The following STRIP2 variants were observed in gnomAD, a reference collection of about 807,000 sequenced individuals.
The protein encoded by STRIP2 is striatin-interacting protein 2.
Under a neutral mutation model 107.1 loss-of-function variants are expected in STRIP2, and 84 were observed. That is an observed-to-expected ratio of 0.78 (90% CI 0.66 to 0.94). STRIP2 has a LOEUF of 0.94. Among genes scored for constraint, STRIP2 ranks in the 40% least tolerant of loss-of-function variants. The probability of loss-of-function intolerance (pLI) is 0.00; values close to 1 mark genes in which losing one functional copy is unlikely to be tolerated. For missense variants in STRIP2, 888 were observed against 1,034.2 expected (o/e 0.86, Z 1.94); for synonymous variants, 394 against 400.4 (o/e 0.98, Z 0.19).
intron 3 of STRIP2, among the ~76,000 whole-genome samples, chr7:129,444,708 A>G (rs367580498): frequency 3.3e-5 from 5 of 152,294 alleles, no homozygotes; most frequent in East Asian, 1.9e-4. Flanking sequence ...ATCTTCAATT[A>G]AAGACAATAA....
chr7:129,485,102 C>T (rs1200526384), intron 20 of STRIP2, among the ~76,000 whole-genome samples: 5 of 152,198 alleles, frequency 3.3e-5, no homozygotes, highest in Non-Finnish European at 7.3e-5. Context: ...TTATACCCCT[C>T]TTGCCCCTTC....
intron 17 of STRIP2, among the ~76,000 whole-genome samples, chr7:129,469,270 A>G (rs1364912042): frequency 6.6e-6 from 1 of 152,234 alleles, no homozygotes; most frequent in Non-Finnish European, 1.5e-5. Context: ...TGATCCTCTT[A>G]TGCACCATCT....
chr7:129,458,512 T>C lies in STRIP2; in HGVS notation c.1274+62T>C, dbSNP rs950052469. ...GGTTTCAGTCTCCAAAGGCCCAAGA[T>C]GGGGTAGTCTATGTATTCAAGGCTC... On this transcript the variant is annotated intron_variant, in intron 10 of 20. Transcript: ENST00000249344. This position sits in a 1 kb window ranked among gnomAD's most constrained non-coding sequence, Gnocchi z 4.6. 1.4e-6 allele frequency: 2 copies of C among 1,393,808 alleles called. No homozygotes were observed. Among genetic ancestry groups the C allele is most frequent in the African/African-American group, 2.9e-5 (2 of 68,972 alleles). 86.3% of individuals were successfully genotyped at this position (1,393,808 alleles called of 1,614,324 possible). A position where few individuals can be genotyped will look rare whatever the true frequency, so the allele number is the denominator to read the frequency against.
intron 3 of STRIP2, among the ~76,000 whole-genome samples, chr7:129,450,579 C>G (rs1798158058): frequency 6.6e-6 from 1 of 152,196 alleles, no homozygotes; most frequent in South Asian, 2.1e-4. Flanking sequence ...AGTATCTATT[C>G]TGTGTCAGAT....
chr7:129,475,419 A>G (rs1410512291), intron 18 of STRIP2, among the ~76,000 whole-genome samples: 1 of 151,730 alleles, frequency 6.6e-6, no homozygotes. Context: ...ACAGGACAAC[A>G]GTGGAGGGAA....
At chr7:129,474,723 G>A (rs1301361648) in intron 18 of STRIP2, among the ~76,000 whole-genome samples, 1 of 152,082 alleles carries the variant, frequency 6.6e-6, no homozygotes, top group Non-Finnish European at 1.5e-5. Flanking sequence ...TGTTGGCCAG[G>A]CTGGTCTTGA....
rs1486292570 is a variant in STRIP2, at chr7:129,458,802, G to A, written c.1340+25G>A. 2 of 1,612,902 alleles carry A rather than the reference G, an allele frequency of 1.2e-6. No individual in the cohort carries two copies. The highest frequency in any genetic ancestry group is 1.7e-5 in the Admixed American group (1 of 60,026). ...AGTAAGTGACTGAATGGCTGGAACTGGCTACAGAGTGGTTCCTAGGGGGCC... is the reference window on the plus strand; with the variant it reads ...AGTAAGTGACTGAATGGCTGGAACTAGCTACAGAGTGGTTCCTAGGGGGCC... On this transcript the variant is annotated intron_variant, in intron 11 of 20. Coordinates refer to ENST00000249344, the MANE Select transcript of STRIP2 (RefSeq NM_020704.3). The surrounding 1 kb of genome is among the most constrained non-coding windows in gnomAD (Gnocchi z 4.6).
rs777774466 is a variant in STRIP2, at chr7:129,462,936, C to T, written c.1477-30C>T. The T allele has an allele frequency of 9.4e-6, 15 of 1,597,990 alleles. No individual in the cohort carries two copies. The South Asian group carries it at 1.4e-4, about 15-fold the overall frequency. On this transcript the variant is annotated intron_variant, in intron 13 of 20. Transcript: ENST00000249344. ...AAGCCTTTGGTCACCTGGAAAGTGG[C>T]ATTGCCAAACCATGTATTTCTTGCC...
chr7:129,447,987 T>C (rs1008475284), intron 3 of STRIP2, among the ~76,000 whole-genome samples: 1 of 152,206 alleles, frequency 6.6e-6, no homozygotes, highest in African/African-American at 2.4e-5. Flanking sequence ...GTGATATTGT[T>C]TTTGACTTAC....
chr7:129,452,515 C>T (rs1798223016), intron 4 of STRIP2, among the ~76,000 whole-genome samples: 1 of 152,196 alleles, frequency 6.6e-6, no homozygotes, highest in Admixed American at 6.5e-5. Flanking sequence ...TGGCCAACTT[C>T]CAACTGCCAG....
intron 18 of STRIP2, among the ~76,000 whole-genome samples, chr7:129,476,476 C>T (rs1584968142): frequency 1.4e-5 from 2 of 147,736 alleles, no homozygotes; most frequent in Admixed American, 1.3e-4. Flanking sequence ...GGCTGCCGGG[C>T]GGAGGGGCTC....
intron 12 of STRIP2, 66 bp from the exon 13 acceptor site, chr7:129,460,231 TTAAG>T: frequency 4.3e-6 from 6 of 1,397,054 alleles, no homozygotes; most frequent in East Asian, 4.6e-5. Flanking sequence ...TTTGGGGAAT[TTAAG>T]TAAGAGACTG....
rs113731157 is a variant in STRIP2 at position 129,455,618 on chromosome 7, T to C, written c.834+247T>C. Reference sequence around the variant, plus strand: ...ATAAATTGGGGATGTCAGTGGTACCTTCTCTTATTAAAGCCAATGTTTGAT... The same window carrying C: ...ATAAATTGGGGATGTCAGTGGTACCCTCTCTTATTAAAGCCAATGTTTGAT... On this transcript the variant is annotated intron_variant, in intron 8 of 20. Transcript: ENST00000249344. Among the ~76,000 whole-genome samples the C allele has an allele frequency of 6.7e-3, 1,017 of 152,308 alleles. 12 individuals carry two copies. The highest frequency in any genetic ancestry group is 0.024 in the African/African-American group (982 of 41,570).
rs1562904749 is a variant in STRIP2 at position 129,458,213 on chromosome 7, A to G, written c.1039-2A>G. On this transcript the variant is annotated splice_acceptor_variant, in intron 9 of 20. Coordinates refer to ENST00000249344, the MANE Select transcript of STRIP2 (RefSeq NM_020704.3). LOFTEE classifies it high-confidence loss of function. This position sits in a 1 kb window ranked among gnomAD's most constrained non-coding sequence, Gnocchi z 4.6. ...GCCTACCCTCCCTTCTTTCCCCTCCAGCAACTCCTCACTAAGCAGGACAGC... is the reference window on the plus strand; with the variant it reads ...GCCTACCCTCCCTTCTTTCCCCTCCGGCAACTCCTCACTAAGCAGGACAGC... 2 of 1,613,388 alleles carry G rather than the reference A, an allele frequency of 1.2e-6. No homozygotes were observed. The highest frequency in any genetic ancestry group is 8.5e-7 in the Non-Finnish European group (1 of 1,179,408).
At chr7:129,454,386 CT>C in intron 6 of STRIP2, 34 bp from the exon 7 acceptor site, 1 of 1,572,056 alleles carries the variant, frequency 6.4e-7, no homozygotes, top group South Asian at 1.1e-5. Context: ...TGGGAATTGC[CT>C]TGGGAACCTC....
intron 18 of STRIP2, among the ~76,000 whole-genome samples, chr7:129,477,141 G>GCTCGGCATCAGAGGGAGAC (rs1798983310): frequency 6.8e-6 from 1 of 147,408 alleles, no homozygotes; most frequent in South Asian, 2.2e-4. Flanking sequence ...TCCAGCTTCC[G>GCTCGGCATCAGAGGGAGAC]CTCGGCATCA....
In STRIP2 at chr7:129,456,429, T is replaced by G. The variant is rs1424895227; in HGVS notation, c.835-10T>G. The G allele has an allele frequency of 6.2e-7, 1 of 1,613,766 alleles. No homozygotes were observed. The highest frequency in any genetic ancestry group is 1.1e-5 in the South Asian group (1 of 91,058). ...CCTCTCTCTCTGCCCCTTTCCTGTT[T>G]CTTCCTTAGTTTACCCTCGGTGGAT... On this transcript the variant is annotated splice_polypyrimidine_tract_variant and intron_variant, in intron 8 of 20. Coordinates refer to ENST00000249344, the MANE Select transcript of STRIP2 (RefSeq NM_020704.3).
Position 129,464,107 on chromosome 7 carries a change from A to G in STRIP2, c.1615A>G (p.Asn539Asp). ...CTCTAAGGCTAAGACAGACTCTATC[A>G]ATATCCTGGCAGATGTCCTACCTGA... is the stretch of plus-strand genomic sequence containing the variant. ...PTSKAKTDSI[N>D]ILADVLPEEM... The change falls in exon 15 of 21, where the codon AAT becomes GAT. Residue 539 changes from asparagine (N) to aspartate (D), a missense_variant. By Grantham distance (23) the Asn-to-Asp change is conservative (BLOSUM62 1). Coordinates refer to ENST00000249344, the MANE Select transcript of STRIP2 (RefSeq NM_020704.3). The G allele has an allele frequency of 6.8e-6, 11 of 1,613,170 alleles. No individual in the cohort carries two copies. The highest frequency in any genetic ancestry group is 2.2e-5 in the East Asian group (1 of 44,868).
intron 18 of STRIP2, among the ~76,000 whole-genome samples, chr7:129,471,479 G>T (rs1798787241): frequency 6.6e-6 from 1 of 152,128 alleles, no homozygotes; most frequent in Non-Finnish European, 1.5e-5. Flanking sequence ...ACTTTGTCTG[G>T]TACATTGAAG....
Sources: allele counts gnomAD v4.1 joint callset (sites outside exome capture counted in the v4.1 genomes callset), GRCh38; gene constraint gnomAD v4.1.1; non-coding constraint Gnocchi (gnomAD v3.1); transcripts MANE v1.5; gene names NCBI Gene and HGNC (gene_info 2026-07-23, HGNC 2026-07-21).